Variants in TASOR2 observed in about 807,000 individuals in gnomAD.
TASOR2 encodes the protein protein TASOR 2.
In TASOR2, 84 loss-of-function variants were observed where a neutral mutation model predicts 199.5. The observed-to-expected ratio is 0.42, with a 90% CI of 0.35 to 0.50. The LOEUF is 0.50. Among genes scored for constraint, TASOR2 ranks in the 20% least tolerant of loss-of-function variants. The pLI is 0.02. For missense variants in TASOR2, 2,796 were observed against 2,835.9 expected, an observed-to-expected ratio of 0.99 and a Z score of 0.32; for synonymous variants, 1,103 against 1,046.6, an observed-to-expected ratio of 1.05 and a Z score of -1.04.
intron 1 of TASOR2, among the ~76,000 whole-genome samples, chr10:5,694,768 A>G (rs1028179893): frequency 1.3e-5 from 2 of 152,232 alleles, no homozygotes; most frequent in African/African-American, 4.8e-5. Flanking sequence ...TGAACGTTAT[A>G]TAGTAACTTC....
rs1463975956 is a variant in TASOR2 at position 5,750,820 on chromosome 10, A to T, written c.6606+793A>T. ...TAACCACAGAACAACCCTGTGCATC[A>T]GGAAGTTCATATAATATTAATTAAA... is the stretch of plus-strand genomic sequence containing the variant. On this transcript the variant is annotated intron_variant, in intron 15 of 20. Coordinates refer to ENST00000328090, the Ensembl canonical transcript of TASOR2. This position sits in a 1 kb window ranked among gnomAD's most constrained non-coding sequence, Gnocchi z 5.4. Among the ~76,000 whole-genome samples the T allele has an allele frequency of 6.6e-6, 1 of 152,226 alleles. No homozygotes were observed. Among genetic ancestry groups the T allele is most frequent in the Non-Finnish European group, 1.5e-5 (1 of 68,040 alleles).
rs548341605 is a variant in TASOR2, at chr10:5,740,642, A to G, written c.2327+145A>G. The G allele has an allele frequency of 1.7e-5, 15 of 881,684 alleles. No homozygotes were observed. In the Admixed American group the frequency reaches 1.7e-4, roughly 10 times the overall value. 54.6% of individuals were successfully genotyped at this position (881,684 alleles called of 1,614,324 possible). A position where few individuals can be genotyped will look rare whatever the true frequency, so the allele number is the denominator to read the frequency against. On this transcript the variant is annotated intron_variant, in intron 13 of 20. Coordinates refer to ENST00000328090, the Ensembl canonical transcript of TASOR2. The surrounding 1 kb of genome is among the most constrained non-coding windows in gnomAD (Gnocchi z 5.3). ...CAGTAATTTGATAATAACATCAAGCAAACATGTTTCCTGGCAATTAAGAGT... is the reference window on the plus strand; with the variant it reads ...CAGTAATTTGATAATAACATCAAGCGAACATGTTTCCTGGCAATTAAGAGT...
In TASOR2 at chr10:5,749,822, A is replaced by G. The variant is rs1469269224; in HGVS notation, c.6401A>G (p.Glu2134Gly). Reference sequence around the variant, plus strand: ...AACCAATTCATTTTCCAAGACAAAGAGCTAAATGATGTTTCTGGAGAAGCC... The same window carrying G: ...AACCAATTCATTTTCCAAGACAAAGGGCTAAATGATGTTTCTGGAGAAGCC... Residue 2134 changes from glutamate to glycine, a missense_variant, in exon 15 of 21, where the codon GAG becomes GGG. Physicochemically the swap from Glu to Gly is moderately conservative, Grantham distance 98. Coordinates refer to ENST00000328090, the Ensembl canonical transcript of TASOR2. 9 of 1,614,062 alleles carry G rather than the reference A, an allele frequency of 5.6e-6. No individual in the cohort carries two copies. The highest frequency in any genetic ancestry group is 4.5e-5 in the East Asian group (2 of 44,898).
chr10:5,708,059 C>G (rs1349377539), intron 1 of TASOR2, among the ~76,000 whole-genome samples: 1 of 152,154 alleles, frequency 6.6e-6, no homozygotes, highest in Non-Finnish European at 1.5e-5. Context: ...ACCTCCAGTT[C>G]TTTTTGGGGG....
exon 15 of TASOR2, chr10:5,747,336 A>G (rs1837358491): frequency 6.2e-7 from 1 of 1,614,142 alleles, no homozygotes; most frequent in African/African-American, 1.3e-5. Flanking sequence ...AAATAGAGCA[A>G]TTTGAGGAGG....
Position 5,689,462 on chromosome 10 carries a change from T to A in TASOR2, c.-288+4287T>A, listed in dbSNP as rs903287150. ...TAAAAATACAAAAATTATCCCGGCA[T>A]GGGGGTGCGCGCCTGTAGTCCCAGC... On this transcript the variant is annotated intron_variant, in intron 1 of 20. Coordinates refer to ENST00000328090, the Ensembl canonical transcript of TASOR2. The surrounding 1 kb of genome is among the most constrained non-coding windows in gnomAD (Gnocchi z 4.1). Among the ~76,000 whole-genome samples the A allele has an allele frequency of 6.6e-6, 1 of 152,064 alleles. No homozygotes were observed. Among genetic ancestry groups the A allele is most frequent in the African/African-American group, 2.4e-5 (1 of 41,386 alleles).
intron 14 of TASOR2, among the ~76,000 whole-genome samples, chr10:5,743,093 A>C (rs550920039): frequency 1.3e-5 from 2 of 152,222 alleles, no homozygotes; most frequent in African/African-American, 4.8e-5. Context: ...AGATAATCCA[A>C]ATTTTACCTG....
At chr10:5,746,910 A>G (rs780743174) in exon 15 of TASOR2, 2 of 1,614,218 alleles carry the variant, frequency 1.2e-6, no homozygotes, top group East Asian at 2.2e-5. Flanking sequence ...AGGCACTATC[A>G]TTAGCTAAAA....
rs1176366661 is a variant in TASOR2, at chr10:5,722,177, A to T, written c.146+1207A>T. Among the ~76,000 whole-genome samples the T allele has an allele frequency of 6.6e-6, 1 of 152,172 alleles. No homozygotes were observed. Among genetic ancestry groups the T allele is most frequent in the Non-Finnish European group, 1.5e-5 (1 of 68,030 alleles). On this transcript the variant is annotated intron_variant, in intron 6 of 20. Transcript: ENST00000328090. The surrounding 1 kb of genome is among the most constrained non-coding windows in gnomAD (Gnocchi z 4.0). ...TGTATAAGAAAATTTGCTAGGGGCC[A>T]GGCACAGTGGCTCCTGTCTGTAATG...
chr10:5,692,901 T>TC (rs1836630915), intron 1 of TASOR2: 1 of 152,122 alleles, frequency 6.6e-6, no homozygotes, highest in African/African-American at 2.4e-5. Context: ...ACAGCCACCC[T>TC]CCCCAACACA....
intron 18 of TASOR2, among the ~76,000 whole-genome samples, chr10:5,760,099 CAT>C (rs1167635663): frequency 1.3e-5 from 2 of 152,192 alleles, no homozygotes; most frequent in Admixed American, 6.5e-5. Flanking sequence ...TATGTGCAGA[CAT>C]AGAGTGTACT....
intron 1 of TASOR2, among the ~76,000 whole-genome samples, chr10:5,697,167 A>G (rs1362459326): frequency 6.6e-6 from 1 of 152,240 alleles, no homozygotes; most frequent in Non-Finnish European, 1.5e-5. Flanking sequence ...ATTGTACCGA[A>G]TGTATAGTTC....
Position 5,697,053 on chromosome 10 carries a change from C to CT in TASOR2, c.-288+11879dup, listed in dbSNP as rs1382832599. Among the ~76,000 whole-genome samples, 7 of 152,294 alleles carry CT rather than the reference C, an allele frequency of 4.6e-5. No homozygotes were observed. In the East Asian group the frequency reaches 9.6e-4, roughly 21 times the overall value. ...CTTCATCTAATACAGTGGAAGGAAA[C>CT]TATCTGTGTCCCAGAACTGAAGAAG... On this transcript the variant is annotated intron_variant, in intron 1 of 20. Transcript: ENST00000328090.
In TASOR2 at chr10:5,724,621, T is replaced by TTA. The variant is rs537496237; in HGVS notation, c.351+101_351+102dup. On this transcript the variant is annotated intron_variant, in intron 8 of 20. Coordinates refer to ENST00000328090, the Ensembl canonical transcript of TASOR2. The stretch of plus-strand genomic sequence containing the variant: ...TGCCTAGATGGCACATATATATATA[T>TTA]TATATATATATATAGATAGATAGAT... 2.4e-3 allele frequency: 458 copies of TTA among 186,992 alleles called. 3 individuals are homozygous for TTA. The highest frequency in any genetic ancestry group is 7.1e-3 in the African/African-American group (286 of 40,070). The allele number at this position is 186,992 out of a possible 1,614,324, so 11.6% of individuals were successfully genotyped here.
At chr10:5,696,264 A>G (rs1837141036) in intron 1 of TASOR2, among the ~76,000 whole-genome samples, 1 of 152,202 alleles carries the variant, frequency 6.6e-6, no homozygotes. Flanking sequence ...AACTATGGAA[A>G]TTCACCCGAT....
At position 5,685,980 on chromosome 10, in the gene TASOR2, G is replaced by C. The variant is rs1258494232; in HGVS notation, c.-288+805G>C. On this transcript the variant is annotated intron_variant, in intron 1 of 20. Coordinates refer to ENST00000328090, the Ensembl canonical transcript of TASOR2. This position sits in a 1 kb window ranked among gnomAD's most constrained non-coding sequence, Gnocchi z 5.4. ...GGCATTCGCGATCCTAGAGTCTACA[G>C]TGTTCCCTGAATAAAACTAGGGGTG... Among the ~76,000 whole-genome samples the C allele has an allele frequency of 6.6e-6, 1 of 152,230 alleles. No homozygotes were observed. The highest frequency in any genetic ancestry group is 1.5e-5 in the Non-Finnish European group (1 of 68,034).
rs373339143 is a variant in TASOR2, at chr10:5,730,470, G to A, written c.488-17G>A. The A allele has an allele frequency of 5.3e-6, 8 of 1,521,348 alleles. No individual in the cohort carries two copies. The African/African-American group carries it at 5.6e-5, about 11-fold the overall frequency. The allele number at this position is 1,521,348 out of a possible 1,614,324, so 94.2% of individuals were successfully genotyped here. On this transcript the variant is annotated splice_polypyrimidine_tract_variant and intron_variant, in intron 10 of 20. Transcript: ENST00000328090. This position sits in a 1 kb window ranked among gnomAD's most constrained non-coding sequence, Gnocchi z 4.1. The stretch of plus-strand genomic sequence containing the variant: ...AAAATAAACTTCAGATGTTTAATAC[G>A]TGTGTATATATTCTAGGGGTGAAAG...
intron 1 of TASOR2, chr10:5,692,768 T>A (rs1836602831): frequency 6.6e-6 from 1 of 152,020 alleles, no homozygotes; most frequent in African/African-American, 2.4e-5. Context: ...TTGTTGACTT[T>A]CAAAAGGCGC....
At position 5,748,975 on chromosome 10, in the gene TASOR2, A is replaced by C. The variant is rs1397423091; in HGVS notation, c.5554A>C (p.Arg1852=). 1.2e-6 allele frequency: 2 copies of C among 1,614,154 alleles called. No individual in the cohort carries two copies. The highest frequency in any genetic ancestry group is 1.7e-5 in the Admixed American group (1 of 60,018). Residue 1852 remains arginine (R), a synonymous_variant, in exon 15 of 21, where the codon AGA becomes CGA. Coordinates refer to ENST00000328090, the Ensembl canonical transcript of TASOR2. This position sits in a 1 kb window ranked among gnomAD's most constrained non-coding sequence, Gnocchi z 5.1. Reference sequence around the variant, plus strand: ...GGATTTGGAGGATTCTTATACTTTAAGAGGTAGTTACACCAGGAAAAAAGA... The same window carrying C: ...GGATTTGGAGGATTCTTATACTTTACGAGGTAGTTACACCAGGAAAAAAGA...
Sources: gnomAD v4.1 joint callset for allele counts (sites outside exome capture counted in the v4.1 genomes callset) on GRCh38, gnomAD v4.1.1 for gene constraint, Gnocchi (gnomAD v3.1) non-coding constraint, MANE v1.5 for transcripts, NCBI Gene and HGNC (gene_info 2026-07-23, HGNC 2026-07-21) for gene names.